Variants in MMP24 observed in about 807,000 individuals in gnomAD.
MMP24 encodes matrix metalloproteinase-24.
MMP24 carries 25 observed loss-of-function variants against 62.8 expected under a neutral mutation model. The ratio of observed to expected loss-of-function variants is 0.40; its 90% CI spans 0.29 to 0.56. MMP24 has a LOEUF of 0.56. MMP24 is among the 20% of genes least tolerant of loss of function. The pLI is 0.50. For missense variants in MMP24, 634 were observed against 853.6 expected (o/e 0.74, Z 3.21); for synonymous variants, 319 against 350.5 (o/e 0.91, Z 1.00).
chr20:35,267,325 G>T lies in MMP24; in HGVS notation c.1100G>T (p.Gly367Val). The change falls in exon 6 of 9, where the codon GGG becomes GTG. Residue 367 changes from glycine (G) to valine (V), a missense_variant. By Grantham distance (109) the Gly-to-Val change is moderately radical (BLOSUM62 -3). Coordinates refer to ENST00000246186, the MANE Select transcript of MMP24 (RefSeq NM_006690.4). ...CCCAGGCCCCCTCGGCCGCCCCTCG[G>T]GGACCGGCCATCCACACCAGGCACC... is the stretch of plus-strand genomic sequence containing the variant. ...RQPRPPRPPL[G>V]DRPSTPGTKP... The T allele has an allele frequency of 1.3e-6, 2 of 1,589,646 alleles. No individual in the cohort carries two copies. The highest frequency in any genetic ancestry group is 4.6e-5 in the East Asian group (2 of 43,340).
In MMP24 at chr20:35,269,188, C is replaced by G. The variant is rs186542424; in HGVS notation, c.1195-572C>G. Among the ~76,000 whole-genome samples, 6 of 152,236 alleles carry G rather than the reference C, an allele frequency of 3.9e-5. No individual in the cohort carries two copies. Among genetic ancestry groups the G allele is most frequent in the Non-Finnish European group, 8.8e-5 (6 of 68,048 alleles). ...CTCAACATGGACTGTGTGCCCCGTA[C>G]TGGTCTGGGCATTTTGCCTAGAATC... On this transcript the variant is annotated intron_variant, in intron 6 of 8. Transcript: ENST00000246186. This position sits in a 1 kb window ranked among gnomAD's most constrained non-coding sequence, Gnocchi z 4.6.
chr20:35,263,204 C>G (rs2060613525), intron 4 of MMP24: 1 of 150,978 alleles, frequency 6.6e-6, no homozygotes, highest in Non-Finnish European at 1.5e-5. Flanking sequence ...CACCCCCACT[C>G]CTACTTAAAC....
At chr20:35,266,736 C>T (rs1194642867) in intron 5 of MMP24, among the ~76,000 whole-genome samples, 1 of 152,236 alleles carries the variant, frequency 6.6e-6, no homozygotes, top group Non-Finnish European at 1.5e-5. Context: ...TCTGAGCCCT[C>T]ATCTGCATTT....
intron 1 of MMP24, among the ~76,000 whole-genome samples, chr20:35,234,818 G>C (rs1365385115): frequency 1.3e-5 from 2 of 152,196 alleles, no homozygotes; most frequent in African/African-American, 4.8e-5. Context: ...GAGGCTGGAG[G>C]ATTGCTTGAG....
At chr20:35,228,845 CT>C (rs747294669) in intron 1 of MMP24, among the ~76,000 whole-genome samples, 1 of 152,076 alleles carries the variant, frequency 6.6e-6, no homozygotes, top group Non-Finnish European at 1.5e-5. Flanking sequence ...TTCTAGATAC[CT>C]TTTGGCCCTA....
intron 6 of MMP24, among the ~76,000 whole-genome samples, chr20:35,268,895 C>T (rs901603799): frequency 3.6e-4 from 55 of 152,188 alleles, no homozygotes; most frequent in Admixed American, 2.0e-3. Context: ...GGTGTGGTGG[C>T]GGGCGCCTGT....
At chr20:35,258,681 A>T (rs963489273) in intron 4 of MMP24, among the ~76,000 whole-genome samples, 6 of 152,106 alleles carry the variant, frequency 3.9e-5, no homozygotes, top group African/African-American at 1.2e-4. Flanking sequence ...CCTATTCACC[A>T]TATTAGCAAA....
chr20:35,262,998 ATTT>A (rs1435552942), intron 4 of MMP24: 1 of 152,034 alleles, frequency 6.6e-6, no homozygotes, highest in Admixed American at 6.6e-5. Context: ...AGGCAGAAGA[ATTT>A]TTCTTAGTAC....
At chr20:35,253,532 G>C (rs1568615155) in intron 3 of MMP24, among the ~76,000 whole-genome samples, 1 of 152,176 alleles carries the variant, frequency 6.6e-6, no homozygotes, top group East Asian at 1.9e-4. Context: ...ACTTCTCTGG[G>C]CTTCAGTTTC....
intron 4 of MMP24, among the ~76,000 whole-genome samples, chr20:35,256,701 A>AGAGC (rs2060576475): frequency 7.2e-6 from 1 of 139,826 alleles, no homozygotes. Flanking sequence ...CCTGGGCAAC[A>AGAGC]GAGATTCCGT....
chr20:35,229,422 A>G (rs2060428485), intron 1 of MMP24, among the ~76,000 whole-genome samples: 1 of 152,094 alleles, frequency 6.6e-6, no homozygotes, highest in South Asian at 2.1e-4. Flanking sequence ...ATATCTATCT[A>G]TTGTTTTCTA....
rs1295226749 is a variant in MMP24 at position 35,276,238 on chromosome 20, C to T, written c.*1629C>T. ...TGTCCCAGAGGTGCCCATGTGGGTC[C>T]GCTGTGTCCCCTGTCATCATCCTTG... On this transcript the variant is annotated 3_prime_UTR_variant, in exon 9 of 9. Coordinates refer to ENST00000246186, the MANE Select transcript of MMP24 (RefSeq NM_006690.4). 1.0e-5 allele frequency: 4 copies of T among 398,878 alleles called. No homozygotes were observed. Among genetic ancestry groups the T allele is most frequent in the African/African-American group, 2.1e-5 (1 of 48,626 alleles). 24.7% of individuals were successfully genotyped at this position (398,878 alleles called of 1,614,324 possible).
intron 1 of MMP24, among the ~76,000 whole-genome samples, chr20:35,239,864 G>C (rs1344950608): frequency 6.6e-6 from 1 of 152,140 alleles, no homozygotes; most frequent in Non-Finnish European, 1.5e-5. Flanking sequence ...GAAGGAGAGG[G>C]AAGAGTCACA....
rs549251933 is a variant in MMP24 at position 35,271,889 on chromosome 20, C to T, written c.1600+54C>T. 1.9e-6 allele frequency: 3 copies of T among 1,542,208 alleles called. No individual in the cohort carries two copies. In the South Asian group the frequency reaches 3.7e-5, roughly 19 times the overall value. On this transcript the variant is annotated intron_variant, in intron 8 of 8. Transcript: ENST00000246186. This position sits in a 1 kb window ranked among gnomAD's most constrained non-coding sequence, Gnocchi z 4.0. ...TGGGGAGCCGGTTTTATGTGGTCCT[C>T]ACCAGTGCCCACGGGCATACTCAGT...
intron 1 of MMP24, among the ~76,000 whole-genome samples, chr20:35,244,740 G>A (rs990192939): frequency 2.0e-5 from 3 of 149,196 alleles, no homozygotes; most frequent in South Asian, 2.1e-4. Flanking sequence ...GCGCCCAGCC[G>A]GGAATAATCT....
chr20:35,232,906 A>T (rs2060444325), intron 1 of MMP24, among the ~76,000 whole-genome samples: 1 of 152,050 alleles, frequency 6.6e-6, no homozygotes, highest in Admixed American at 6.5e-5. Flanking sequence ...TTTGTTCCTG[A>T]GTTGTTCTGG....
intron 5 of MMP24, among the ~76,000 whole-genome samples, chr20:35,266,066 GGT>G (rs926976800): frequency 1.3e-5 from 2 of 151,282 alleles, no homozygotes; most frequent in Non-Finnish European, 2.9e-5. Context: ...TATTGGGCGT[GGT>G]GGCTCACGCC....
chr20:35,230,157 T>G (rs988859276), intron 1 of MMP24, among the ~76,000 whole-genome samples: 1 of 151,980 alleles, frequency 6.6e-6, no homozygotes, highest in Non-Finnish European at 1.5e-5. Flanking sequence ...GCCCGGTTAA[T>G]TTTTGTATTT....
rs2060706763 is a variant in MMP24, at chr20:35,276,431, G to A, written c.*1822G>A. 2.5e-6 allele frequency: 1 copy of A among 397,826 alleles called. No individual in the cohort carries two copies. Among genetic ancestry groups the A allele is most frequent in the Non-Finnish European group, 4.4e-6 (1 of 225,784 alleles). The allele number at this position is 397,826 out of a possible 1,614,324, so 24.6% of individuals were successfully genotyped here. On this transcript the variant is annotated 3_prime_UTR_variant, in exon 9 of 9. Coordinates refer to ENST00000246186, the MANE Select transcript of MMP24 (RefSeq NM_006690.4). ...TCGTGTTAGGCCCTGGGAGGCCGAC[G>A]GTAACTCTCACCGTGCCCTCAGATG...
Sources: gnomAD v4.1 joint callset for allele counts (sites outside exome capture counted in the v4.1 genomes callset) on GRCh38, gnomAD v4.1.1 for gene constraint, Gnocchi (gnomAD v3.1) non-coding constraint, MANE v1.5 for transcripts, NCBI Gene and HGNC (gene_info 2026-07-23, HGNC 2026-07-21) for gene names.